RELN: variants seen among roughly 807,000 people sequenced by gnomAD.
RELN encodes reelin.
A neutral mutation model predicts 427.6 loss-of-function variants in RELN; 108 were observed. The observed-to-expected ratio is 0.25, with a 90% CI of 0.22 to 0.30. The LOEUF (loss-of-function observed/expected upper bound fraction) is 0.30, where lower values mean the gene tolerates loss of function less well. Among genes scored for constraint, RELN ranks in the 10% least tolerant of loss-of-function variants. RELN has a pLI of 1.00. For synonymous variants in RELN, 1,524 were observed against 1,513.4 expected (o/e 1.01, Z -0.16); for missense variants, 3,715 against 4,302.8 (o/e 0.86, Z 3.82).
chr7:103,632,281 T>C (rs1354983791), intron 19 of RELN, among the ~76,000 whole-genome samples: 1 of 152,232 alleles, frequency 6.6e-6, no homozygotes, highest in Non-Finnish European at 1.5e-5. Flanking sequence ...ATAATGCTAT[T>C]CTTATGGCAA....
chr7:103,844,491 G>T (rs1793628876), intron 2 of RELN, among the ~76,000 whole-genome samples: 1 of 151,986 alleles, frequency 6.6e-6, no homozygotes, highest in South Asian at 2.1e-4. Context: ...GTTTTACAAA[G>T]ATTAACACAT....
intron 1 of RELN, among the ~76,000 whole-genome samples, chr7:103,983,345 C>T (rs1474977870): frequency 6.6e-6 from 1 of 152,242 alleles, no homozygotes; most frequent in African/African-American, 2.4e-5. Context: ...CCTTCAGAAG[C>T]TCTGCCTTCA....
rs370333905 is a variant in RELN at position 103,677,405 on chromosome 7, TATAATAATAATAATAATAATAATA to T, written c.1289+4687_1289+4710del. On this transcript the variant is annotated intron_variant, in intron 11 of 64. Coordinates refer to ENST00000428762, the MANE Select transcript of RELN (RefSeq NM_005045.4). ...TGCACATGTAACCCAGAACTTAAAG[TATAATAATAATAATAATAATAATA>T]ATAATAATAATAATAATAATAATAA... Among the ~76,000 whole-genome samples the T allele has an allele frequency of 6.7e-5, 9 of 134,424 alleles. 1 individual carries two copies. The East Asian group carries it at 2.0e-3, about 29-fold the overall frequency. 88.2% of individuals were successfully genotyped at this position (134,424 alleles called of 152,430 possible).
Position 103,968,562 on chromosome 7 carries a change from A to C in RELN, c.226+20569T>G, listed in dbSNP as rs973039932. 6.6e-6 allele frequency among the ~76,000 whole-genome samples: 1 copy of C among 152,208 alleles called. No homozygotes were observed. The highest frequency in any genetic ancestry group is 2.4e-5 in the African/African-American group (1 of 41,456). On this transcript the variant is annotated intron_variant, in intron 1 of 64. Coordinates refer to ENST00000428762, the MANE Select transcript of RELN (RefSeq NM_005045.4). This position sits in a 1 kb window ranked among gnomAD's most constrained non-coding sequence, Gnocchi z 4.3. ...AAAAAAGAAGAAATTAGATCTCCTC[A>C]ATGAGAGATCCAAGAAGACAAAGGA...
At chr7:103,847,223 G>A (rs949007069) in intron 2 of RELN, among the ~76,000 whole-genome samples, 2 of 152,192 alleles carry the variant, frequency 1.3e-5, no homozygotes, top group African/African-American at 4.8e-5. Context: ...TATACACCTG[G>A]AATACTATGC....
intron 8 of RELN, among the ~76,000 whole-genome samples, chr7:103,714,827 A>G (rs1034986163): frequency 1.3e-5 from 2 of 152,216 alleles, no homozygotes; most frequent in Non-Finnish European, 2.9e-5. Context: ...GAGCCCACAG[A>G]TATTACTTTA....
intron 45 of RELN, among the ~76,000 whole-genome samples, chr7:103,537,147 GA>G (rs1389608281): frequency 3.3e-5 from 5 of 152,294 alleles, no homozygotes; most frequent in Admixed American, 2.0e-4. Context: ...ACACAATTTA[GA>G]AGTTATTTTA....
At chr7:103,974,408 C>T (rs1436326106) in intron 1 of RELN, among the ~76,000 whole-genome samples, 1 of 152,178 alleles carries the variant, frequency 6.6e-6, no homozygotes, top group Non-Finnish European at 1.5e-5. Flanking sequence ...CCACAAATCC[C>T]TGAGAGTTAA....
In RELN at chr7:103,989,161, T is replaced by C. The variant is rs751673305; in HGVS notation, c.196A>G (p.Thr66Ala). Reference protein sequence around the residue: ...LISLHIAGNPTYYVPGQEYHV... With the variant: ...LISLHIAGNPAYYVPGQEYHV... ...TATTCTTGTCCCGGAACGTAGTAGG[T>C]GGGGTTGCCCGCAATATGCAGGGAA... The change falls in exon 1 of 65, where the codon ACC becomes GCC. Residue 66 changes from threonine to alanine, a missense_variant. Physicochemically the swap from Thr to Ala is moderately conservative, Grantham distance 58. Around this residue, in one of 4 missense-constraint regions of RELN, gnomAD observed 2,208 missense variants for 2,361.7 expected, o/e 0.93. Transcript: ENST00000428762. The surrounding 1 kb of genome is among the most constrained non-coding windows in gnomAD (Gnocchi z 4.9). 4.3e-6 allele frequency: 7 copies of C among 1,613,692 alleles called. No individual in the cohort carries two copies. The highest frequency in any genetic ancestry group is 4.5e-5 in the East Asian group (2 of 44,788).
At position 103,535,378 on chromosome 7, in the gene RELN, G is replaced by A. The variant is rs915583909; in HGVS notation, c.7287C>T (p.Ile2429=). 1.2e-5 allele frequency: 19 copies of A among 1,613,938 alleles called. No homozygotes were observed. Among genetic ancestry groups the A allele is most frequent in the Admixed American group, 1.7e-5 (1 of 59,978 alleles). Residue 2429 remains isoleucine, a synonymous_variant, in exon 46 of 65, where the codon ATC becomes ATT. Transcript: ENST00000428762. The part of the protein sequence containing the change: ...VECSRYHLQR[I]LVSDTFNKWT... Reference sequence around the variant, plus strand: ...ACTTGTTGAAAGTGTCTGACACCAGGATCCGTTGCAGATGATAGCGACTGC... The same window carrying A: ...ACTTGTTGAAAGTGTCTGACACCAGAATCCGTTGCAGATGATAGCGACTGC...
intron 43 of RELN, among the ~76,000 whole-genome samples, chr7:103,540,925 T>C (rs1436634408): frequency 6.6e-6 from 1 of 152,246 alleles, no homozygotes; most frequent in Non-Finnish European, 1.5e-5. Flanking sequence ...GTTTCACCAG[T>C]CGTTTTTCAG....
At position 103,677,405 on chromosome 7, in the gene RELN, TATAATAATAATAATAATA is replaced by T. The variant is rs370333905; in HGVS notation, c.1289+4693_1289+4710del. Among the ~76,000 whole-genome samples the T allele has an allele frequency of 4.0e-3, 544 of 134,424 alleles. 2 individuals are homozygous for T. Among genetic ancestry groups the T allele is most frequent in the African/African-American group, 0.014 (486 of 35,828 alleles). 88.2% of individuals were successfully genotyped at this position (134,424 alleles called of 152,430 possible). On this transcript the variant is annotated intron_variant, in intron 11 of 64. Transcript: ENST00000428762. ...TGCACATGTAACCCAGAACTTAAAGTATAATAATAATAATAATAATAATAATAATAATAATAATAATAA... is the reference window on the plus strand; with the variant it reads ...TGCACATGTAACCCAGAACTTAAAGTATAATAATAATAATAATAATAATAA...
intron 3 of RELN, among the ~76,000 whole-genome samples, chr7:103,778,657 A>G (rs1399692442): frequency 6.6e-6 from 1 of 152,200 alleles, no homozygotes; most frequent in Non-Finnish European, 1.5e-5. Context: ...TGTTTTCCCC[A>G]TTACTCAGTT....
chr7:103,582,064 A>C (rs927046503), intron 28 of RELN, among the ~76,000 whole-genome samples: 1 of 152,226 alleles, frequency 6.6e-6, no homozygotes, highest in Non-Finnish European at 1.5e-5. Context: ...CAAAAAGTAA[A>C]GAGGATTTTT....
At chr7:103,494,880 GA>G (rs1214847677) in intron 57 of RELN, among the ~76,000 whole-genome samples, 2 of 151,270 alleles carry the variant, frequency 1.3e-5, no homozygotes, top group African/African-American at 4.9e-5. Flanking sequence ...AGATACACTG[GA>G]AAAAAAATAG....
At chr7:103,606,267 A>G (rs1831816871) in intron 22 of RELN, among the ~76,000 whole-genome samples, 1 of 152,192 alleles carries the variant, frequency 6.6e-6, no homozygotes, top group Admixed American at 6.5e-5. Flanking sequence ...GGAACAGAAT[A>G]AAGTAGGTGT....
rs78688515 is a variant in RELN, at chr7:103,824,327, C to T, written c.473+9210G>A. On this transcript the variant is annotated intron_variant, in intron 3 of 64. Coordinates refer to ENST00000428762, the MANE Select transcript of RELN (RefSeq NM_005045.4). This position sits in a 1 kb window ranked among gnomAD's most constrained non-coding sequence, Gnocchi z 4.4. ...ATATACTGAGGGTTTTATCTTCTTACAAGTAACTTATCTTGACCAAAGGCT... is the reference window on the plus strand; with the variant it reads ...ATATACTGAGGGTTTTATCTTCTTATAAGTAACTTATCTTGACCAAAGGCT... Among the ~76,000 whole-genome samples, 1,282 of 152,160 alleles carry T rather than the reference C, an allele frequency of 8.4e-3. 21 individuals are homozygous for T. The highest frequency in any genetic ancestry group is 0.029 in the African/African-American group (1,222 of 41,538).
At chr7:103,627,178 C>T (rs2117326859) in intron 20 of RELN, among the ~76,000 whole-genome samples, 1 of 152,110 alleles carries the variant, frequency 6.6e-6, no homozygotes, top group Middle Eastern at 3.4e-3. Flanking sequence ...ATATATATTT[C>T]AAAATTTCCC....
At chr7:103,632,167 T>A (rs1415032826) in intron 19 of RELN, among the ~76,000 whole-genome samples, 1 of 152,228 alleles carries the variant, frequency 6.6e-6, no homozygotes, top group East Asian at 1.9e-4. Context: ...ATCAGACTCT[T>A]GGGCCAGAGT....
Sources: allele counts gnomAD v4.1 joint callset (sites outside exome capture counted in the v4.1 genomes callset), GRCh38; gene constraint gnomAD v4.1.1; regional missense constraint gnomAD v4.1.1; non-coding constraint Gnocchi (gnomAD v3.1); transcripts MANE v1.5; gene names NCBI Gene and HGNC (gene_info 2026-07-23, HGNC 2026-07-21).